Variants in CARMIL3 observed in about 807,000 individuals in gnomAD.
The protein encoded by CARMIL3 is capping protein regulator and myosin 1 linker 3.
CARMIL3 carries 88 observed loss-of-function variants against 180.8 expected under a neutral mutation model. That is an observed-to-expected ratio of 0.49 (90% CI 0.41 to 0.58). The LOEUF (loss-of-function observed/expected upper bound fraction) is 0.58, where lower values mean the gene tolerates loss of function less well. CARMIL3 is among the 20% of genes least tolerant of loss of function. The pLI, the probability that CARMIL3 is intolerant of heterozygous loss-of-function variation, is 0.00. For synonymous variants in CARMIL3, 696 were observed against 714.5 expected (o/e 0.97, Z 0.41); for missense variants, 1,548 against 1,787.0 (o/e 0.87, Z 2.41).
Position 24,061,453 on chromosome 14 carries a change from T to A in CARMIL3, c.2305-44T>A. On this transcript the variant is annotated intron_variant, in intron 26 of 39. Coordinates refer to ENST00000342740, the MANE Select transcript of CARMIL3 (RefSeq NM_138360.4). The surrounding 1 kb of genome is among the most constrained non-coding windows in gnomAD (Gnocchi z 4.1). ...TCTTCTGCTGTGGTGCCAGCCCTGATCCTGTCCCCCTTGGGCCTCTGGCCT... is the reference window on the plus strand; with the variant it reads ...TCTTCTGCTGTGGTGCCAGCCCTGAACCTGTCCCCCTTGGGCCTCTGGCCT... 1 of 1,587,678 alleles carries A rather than the reference T, an allele frequency of 6.3e-7. No homozygotes were observed. Among genetic ancestry groups the A allele is most frequent in the East Asian group, 2.2e-5 (1 of 44,642 alleles).
chr14:24,059,300 C>T lies in CARMIL3; in HGVS notation c.1657C>T (p.Arg553Trp), dbSNP rs780631957. The change falls in exon 21 of 40, where the codon CGG (arginine) becomes TGG (tryptophan). Residue 553 changes from arginine (R) to tryptophan (W), a missense_variant. By Grantham distance (101) the Arg-to-Trp change is moderately radical. Transcript: ENST00000342740. This position sits in a 1 kb window ranked among gnomAD's most constrained non-coding sequence, Gnocchi z 6.3. ...GCAGTCACTGTCGGTGGCAGACTCC[C>T]GGCTGAAGCTTCGCACCAGCATCCT... is the stretch of plus-strand genomic sequence containing the variant. ...SLQSLSVADS[R>W]LKLRTSILIN... 12 of 1,613,822 alleles carry T rather than the reference C, an allele frequency of 7.4e-6. No individual in the cohort carries two copies. The highest frequency in any genetic ancestry group is 1.1e-5 in the South Asian group (1 of 91,084).
intron 31 of CARMIL3, among the ~76,000 whole-genome samples, chr14:24,064,019 A>G (rs184763272): frequency 3.9e-4 from 59 of 150,014 alleles, no homozygotes; most frequent in African/African-American, 1.3e-3. Flanking sequence ...GCGTGAACCC[A>G]GGAGGCGGAG....
rs2035732568 is a variant in CARMIL3, at chr14:24,061,457, G to GT, written c.2305-39dup. 1.3e-6 allele frequency: 2 copies of GT among 1,591,192 alleles called. No individual in the cohort carries two copies. The highest frequency in any genetic ancestry group is 2.3e-5 in the South Asian group (2 of 87,688). On this transcript the variant is annotated intron_variant, in intron 26 of 39. Transcript: ENST00000342740. This position sits in a 1 kb window ranked among gnomAD's most constrained non-coding sequence, Gnocchi z 4.1. Reference sequence around the variant, plus strand: ...CTGCTGTGGTGCCAGCCCTGATCCTGTCCCCCTTGGGCCTCTGGCCTCCCT... The same window carrying GT: ...CTGCTGTGGTGCCAGCCCTGATCCTGTTCCCCCTTGGGCCTCTGGCCTCCCT...
intron 8 of CARMIL3, 68 bp from the exon 9 acceptor site, chr14:24,055,475 C>T: frequency 1.3e-6 from 2 of 1,576,030 alleles, no homozygotes; most frequent in Non-Finnish European, 1.7e-6. Context: ...CCACCCTATC[C>T]TTGGTCTCTT....
At position 24,062,857 on chromosome 14, in the gene CARMIL3, C is replaced by T. The variant is rs377421126; in HGVS notation, c.2706+11C>T. 1.9e-4 allele frequency: 302 copies of T among 1,596,376 alleles called. No individual in the cohort carries two copies. Among genetic ancestry groups the T allele is most frequent in the Middle Eastern group, 1.1e-3 (6 of 5,384 alleles). On this transcript the variant is annotated intron_variant, in intron 29 of 39. Transcript: ENST00000342740. ...CTTGGGACCAACATTGTGAGCCCCC[C>T]GCTCCCTGCTCCTCCTTAATAACCT...
rs374556994 is a variant in CARMIL3 at position 24,056,912 on chromosome 14, C to T, written c.953-3C>T. 5.0e-6 allele frequency: 8 copies of T among 1,613,848 alleles called. No individual in the cohort carries two copies. Among genetic ancestry groups the T allele is most frequent in the Non-Finnish European group, 6.8e-6 (8 of 1,179,924 alleles). ...AACCCAGCCCAGTGCCCGCTGTGCT[C>T]AGGGCTCCAGGCACTCGGCCAGACC... On this transcript the variant is annotated splice_polypyrimidine_tract_variant and splice_region_variant and intron_variant, in intron 12 of 39. Coordinates refer to ENST00000342740, the MANE Select transcript of CARMIL3 (RefSeq NM_138360.4).
chr14:24,059,083 A>G lies in CARMIL3; in HGVS notation c.1572-52A>G, dbSNP rs933936111. ...CTCTGGCCACCTCTCTCCTCCTCCA[A>G]TAGCATGACCCCAGCCCTTCCCCTC... is the stretch of plus-strand genomic sequence containing the variant. On this transcript the variant is annotated intron_variant, in intron 19 of 39. Transcript: ENST00000342740. This position sits in a 1 kb window ranked among gnomAD's most constrained non-coding sequence, Gnocchi z 6.3. The G allele has an allele frequency of 3.8e-6, 6 of 1,585,470 alleles. No homozygotes were observed. In the South Asian group the frequency reaches 4.5e-5, roughly 12 times the overall value.
intron 10 of CARMIL3, 91 bp downstream of exon 10, chr14:24,055,880 A>G (rs1654790446): frequency 1.7e-6 from 2 of 1,193,672 alleles, no homozygotes; most frequent in East Asian, 2.5e-5. Context: ...CCTCTGGACT[A>G]TCTTATCCAG....
At chr14:24,064,849 A>G in intron 32 of CARMIL3, 109 bp from the exon 33 acceptor site, 1 of 1,104,380 alleles carries the variant, frequency 9.1e-7, no homozygotes, top group Non-Finnish European at 1.3e-6. Context: ...CTAAGTGGAA[A>G]GGGCTGCAGT....
At position 24,058,040 on chromosome 14, in the gene CARMIL3, C is replaced by A; in HGVS notation, c.1298C>A (p.Thr433Lys). Residue 433 changes from threonine (T) to lysine (K), a missense_variant, in exon 16 of 40, where the codon ACA becomes AAA. Physicochemically the swap from Thr to Lys is moderately conservative, Grantham distance 78 (BLOSUM62 -1). Around this residue, in one of 4 missense-constraint regions of CARMIL3, gnomAD observed 578 missense variants for 666.5 expected, o/e 0.87. Coordinates refer to ENST00000342740, the MANE Select transcript of CARMIL3 (RefSeq NM_138360.4). The surrounding 1 kb of genome is among the most constrained non-coding windows in gnomAD (Gnocchi z 6.4). ...CTGAGCCACGTCAATCTGTCGGCCA[C>A]AAAGCTGCCCCTGGAGGCCCTCAGG... ...YTLSHVNLSA[T>K]KLPLEALRAL... The A allele has an allele frequency of 6.2e-7, 1 of 1,613,820 alleles. No homozygotes were observed. The highest frequency in any genetic ancestry group is 8.5e-7 in the Non-Finnish European group (1 of 1,180,014).
At position 24,058,415 on chromosome 14, in the gene CARMIL3, C is replaced by G. The variant is rs1259053523; in HGVS notation, c.1392+191C>G. On this transcript the variant is annotated intron_variant, in intron 17 of 39. Coordinates refer to ENST00000342740, the MANE Select transcript of CARMIL3 (RefSeq NM_138360.4). This position sits in a 1 kb window ranked among gnomAD's most constrained non-coding sequence, Gnocchi z 6.4. The stretch of plus-strand genomic sequence containing the variant: ...CATTCATTCTCAGTCTCTAGTATCT[C>G]TGCCCTTAAAGCTTTGGGGTGGGAG... Among the ~76,000 whole-genome samples the G allele has an allele frequency of 2.0e-5, 3 of 152,158 alleles. No homozygotes were observed. Among genetic ancestry groups the G allele is most frequent in the Non-Finnish European group, 4.4e-5 (3 of 68,042 alleles).
rs756826303 is a variant in CARMIL3 at position 24,054,531 on chromosome 14, T to A, written c.362+20T>A. ...CCCTGGGTGAGTGGCAAATAAGGGGTCTCTTAAGGCATTAGATGAGAGGGA... is the reference window on the plus strand; with the variant it reads ...CCCTGGGTGAGTGGCAAATAAGGGGACTCTTAAGGCATTAGATGAGAGGGA... On this transcript the variant is annotated intron_variant, in intron 5 of 39. Transcript: ENST00000342740. This position sits in a 1 kb window ranked among gnomAD's most constrained non-coding sequence, Gnocchi z 5.1. 14 of 1,600,774 alleles carry A rather than the reference T, an allele frequency of 8.7e-6. No homozygotes were observed. The Admixed American group carries it at 2.3e-4, about 27-fold the overall frequency.
At chr14:24,067,289 C>T (rs1204725423) in intron 36 of CARMIL3, among the ~76,000 whole-genome samples, 3 of 152,238 alleles carry the variant, frequency 2.0e-5, no homozygotes, top group East Asian at 1.9e-4. Flanking sequence ...CTTCAGAGCA[C>T]CTTCCGCTTA....
At chr14:24,064,396 A>G in intron 32 of CARMIL3, 50 bp downstream of exon 32, 1 of 1,394,018 alleles carries the variant, frequency 7.2e-7, no homozygotes, top group Non-Finnish European at 1.0e-6. Flanking sequence ...AAGGCCCTAG[A>G]AGGGCTGCTG....
rs768689148 is a variant in CARMIL3, at chr14:24,061,560, G to A, written c.2368G>A (p.Glu790Lys). 27 of 1,613,942 alleles carry A rather than the reference G, an allele frequency of 1.7e-5. No individual in the cohort carries two copies. Among genetic ancestry groups the A allele is most frequent in the East Asian group, 8.9e-5 (4 of 44,872 alleles). The stretch of plus-strand genomic sequence containing the variant: ...ATGCCCTGTGGCCATGCGGGTGGCC[G>A]AGGGACACAACAAGATGCTGAGCAA... ...ELCPVAMRVA[E>K]GHNKMLSNVA... Residue 790 changes from glutamate to lysine, a missense_variant, in exon 27 of 40, where the codon GAG (glutamate) becomes AAG (lysine). Coordinates refer to ENST00000342740, the MANE Select transcript of CARMIL3 (RefSeq NM_138360.4). This position sits in a 1 kb window ranked among gnomAD's most constrained non-coding sequence, Gnocchi z 4.1.
rs536032954 is a variant in CARMIL3 at position 24,065,319 on chromosome 14, C to T, written c.3396+46C>T. ...TGTGTCTTCCCCTTTTCCTGCCCCA[C>T]ACTTAACCCAGTCTCCTACCCCACC... On this transcript the variant is annotated intron_variant, in intron 33 of 39. Transcript: ENST00000342740. 91 of 1,442,786 alleles carry T rather than the reference C, an allele frequency of 6.3e-5. 1 individual carries two copies. The South Asian group carries it at 1.3e-3, about 21-fold the overall frequency. The allele number at this position is 1,442,786 out of a possible 1,614,324, so 89.4% of individuals were successfully genotyped here. A position where few individuals can be genotyped will look rare whatever the true frequency, so the allele number is the denominator to read the frequency against.
chr14:24,064,878 T>G, intron 32 of CARMIL3, 80 bp from the exon 33 acceptor site: 2 of 1,434,394 alleles, frequency 1.4e-6, no homozygotes, highest in Non-Finnish European at 1.9e-6. Context: ...GGAGACCAGA[T>G]GAGAGGAAAG....
chr14:24,063,026 A>T, intron 29 of CARMIL3, 94 bp from the exon 30 acceptor site: 1 of 1,548,690 alleles, frequency 6.5e-7, no homozygotes, highest in Non-Finnish European at 8.8e-7. Flanking sequence ...CCCCCTGAGG[A>T]GCGAGGGGCA....
chr14:24,054,967 A>G lies in CARMIL3; in HGVS notation c.461-99A>G, dbSNP rs2035657439. 8.3e-6 allele frequency: 12 copies of G among 1,451,598 alleles called. No homozygotes were observed. Among genetic ancestry groups the G allele is most frequent in the Non-Finnish European group, 1.1e-5 (11 of 1,043,572 alleles). The allele number at this position is 1,451,598 out of a possible 1,614,324, so 89.9% of individuals were successfully genotyped here. ...GAAGTTCATGGCATAGCAAGAACCA[A>G]GAGCACTGGCACATAAAGTGACCTT... On this transcript the variant is annotated intron_variant, in intron 6 of 39. Transcript: ENST00000342740. This position sits in a 1 kb window ranked among gnomAD's most constrained non-coding sequence, Gnocchi z 5.1.
Sources: allele counts gnomAD v4.1 joint callset (sites outside exome capture counted in the v4.1 genomes callset), GRCh38; gene constraint gnomAD v4.1.1; regional missense constraint gnomAD v4.1.1; non-coding constraint Gnocchi (gnomAD v3.1); transcripts MANE v1.5; gene names NCBI Gene and HGNC (gene_info 2026-07-23, HGNC 2026-07-21).